Variants in RAI1 observed in about 807,000 individuals in gnomAD.
RAI1 encodes the protein retinoic acid-induced protein 1.
In RAI1, 9 loss-of-function variants were observed where a neutral mutation model predicts 123.8. That is an observed-to-expected ratio of 0.07 (90% CI 0.04 to 0.13). The LOEUF (loss-of-function observed/expected upper bound fraction) is 0.13, where lower values mean the gene tolerates loss of function less well. RAI1 is among the 10% of genes least tolerant of loss of function. The pLI is 1.00. For missense variants in RAI1, 2,256 were observed against 2,545.8 expected (o/e 0.89, Z 2.45); for synonymous variants, 1,231 against 1,127.3 (o/e 1.09, Z -1.84).
chr17:17,688,354 C>T (rs1457337155), intron 1 of RAI1, among the ~76,000 whole-genome samples: 1 of 151,950 alleles, frequency 6.6e-6, no homozygotes, highest in Non-Finnish European at 1.5e-5. Context: ...CGTAGTGTCA[C>T]ATGCCTGTAA....
intron 3 of RAI1, among the ~76,000 whole-genome samples, chr17:17,802,736 A>G (rs2143004925): frequency 6.6e-6 from 1 of 152,104 alleles, no homozygotes; most frequent in Middle Eastern, 3.4e-3. Context: ...AGATTGTGCC[A>G]CTGCTCTCTA....
chr17:17,704,065 TG>T, intron 1 of RAI1, among the ~76,000 whole-genome samples: 1 of 152,290 alleles, frequency 6.6e-6, no homozygotes, highest in East Asian at 1.9e-4. Context: ...GCAGGCTTGA[TG>T]GGCCAGGGCC....
At chr17:17,786,082 C>G (rs539303402) in intron 2 of RAI1, among the ~76,000 whole-genome samples, 1 of 152,190 alleles carries the variant, frequency 6.6e-6, no homozygotes. Context: ...CCCAAGTGGC[C>G]GCAGTCCGCT....
Position 17,793,988 on chromosome 17 carries a change from C to A in RAI1, c.1040C>A (p.Ala347Asp). 1.2e-6 allele frequency: 2 copies of A among 1,614,070 alleles called. No homozygotes were observed. Among genetic ancestry groups the A allele is most frequent in the East Asian group, 4.5e-5 (2 of 44,880 alleles). ...AGCCCCAGCTCCAGCCACTCACCCG[C>A]CCGCTCCGTGGGCCGCTCACCTTCC... ...TFSPSSSHSP[A>D]RSVGRSPSYS... Residue 347 changes from alanine (A) to aspartate (D), a missense_variant, in exon 3 of 6, where the codon GCC (alanine) becomes GAC (aspartate). By Grantham distance (126) the Ala-to-Asp change is moderately radical (BLOSUM62 -2). Transcript: ENST00000353383.
At chr17:17,701,379 G>T (rs749543975) in intron 1 of RAI1, among the ~76,000 whole-genome samples, 4 of 152,098 alleles carry the variant, frequency 2.6e-5, no homozygotes, top group Non-Finnish European at 5.9e-5. Flanking sequence ...AGACCTAATG[G>T]TATTCTCTGT....
chr17:17,800,000 A>G lies in RAI1; in HGVS notation c.5565+1487A>G, dbSNP rs1277134060. Among the ~76,000 whole-genome samples the G allele has an allele frequency of 6.6e-6, 1 of 152,008 alleles. No individual in the cohort carries two copies. The highest frequency in any genetic ancestry group is 2.4e-5 in the African/African-American group (1 of 41,370). Reference sequence around the variant, plus strand: ...ATGGCTGGAGACCTTCTCCACGCCCAGACGCCCTGCCCACCTCACTCCACC... The same window carrying G: ...ATGGCTGGAGACCTTCTCCACGCCCGGACGCCCTGCCCACCTCACTCCACC... On this transcript the variant is annotated intron_variant, in intron 3 of 5. Transcript: ENST00000353383. This position sits in a 1 kb window ranked among gnomAD's most constrained non-coding sequence, Gnocchi z 4.5.
chr17:17,723,508 T>C (rs983380873), intron 1 of RAI1, among the ~76,000 whole-genome samples: 9 of 150,888 alleles, frequency 6.0e-5, no homozygotes, highest in African/African-American at 2.2e-4. Context: ...ATCTTTGACA[T>C]ACACACGCCT....
At chr17:17,737,855 C>T (rs1377686898) in intron 2 of RAI1, among the ~76,000 whole-genome samples, 1 of 152,228 alleles carries the variant, frequency 6.6e-6, no homozygotes, top group Non-Finnish European at 1.5e-5. Flanking sequence ...TTGAGCAGGC[C>T]TGGAGCCCCA....
Position 17,681,770 on chromosome 17 carries a change from C to G in RAI1, c.-172C>G, listed in dbSNP as rs1914422489. The G allele has an allele frequency of 3.0e-6, 1 of 328,118 alleles. No homozygotes were observed. Among genetic ancestry groups the G allele is most frequent in the Admixed American group, 4.9e-5 (1 of 20,368 alleles). 20.3% of individuals were successfully genotyped at this position (328,118 alleles called of 1,614,324 possible). A position where few individuals can be genotyped will look rare whatever the true frequency, so the allele number is the denominator to read the frequency against. On this transcript the variant is annotated 5_prime_UTR_variant, in exon 1 of 6. Coordinates refer to ENST00000353383, the MANE Select transcript of RAI1 (RefSeq NM_030665.4). ...GAAGTCGCAGCGCCAGACCCAAGGC[C>G]CCCGAGTGAGCGCGGGCGCCGAGGT...
At chr17:17,803,600 G>A (rs2032530715) in intron 3 of RAI1, among the ~76,000 whole-genome samples, 156 bp from the exon 4 acceptor site, 1 of 152,092 alleles carries the variant, frequency 6.6e-6, no homozygotes, top group Non-Finnish European at 1.5e-5. Context: ...TGCCCAGGCT[G>A]GTATCAAACT....
At chr17:17,730,162 C>A (rs1275796340) in intron 2 of RAI1, among the ~76,000 whole-genome samples, 1 of 152,240 alleles carries the variant, frequency 6.6e-6, no homozygotes, top group Non-Finnish European at 1.5e-5. Context: ...AAGATGCCAC[C>A]TTTCAGGAGA....
intron 3 of RAI1, chr17:17,802,030 C>T: frequency 2.1e-6 from 1 of 469,918 alleles, no homozygotes; most frequent in Non-Finnish European, 4.4e-6. Flanking sequence ...ACCTCACCCC[C>T]CGCCCCCAGC....
intron 2 of RAI1, among the ~76,000 whole-genome samples, chr17:17,735,114 A>G (rs1397743930): frequency 6.6e-6 from 1 of 151,592 alleles, no homozygotes; most frequent in Non-Finnish European, 1.5e-5. Context: ...GTGCAATGGC[A>G]TGATCTCAGC....
intron 2 of RAI1, among the ~76,000 whole-genome samples, chr17:17,736,596 ATTTC>A (rs1916444228): frequency 1.3e-5 from 2 of 152,084 alleles, no homozygotes; most frequent in Admixed American, 1.3e-4. Context: ...GAGCTGGAAC[ATTTC>A]CAGAAATGGA....
At chr17:17,736,380 CTTG>C (rs1232555873) in intron 2 of RAI1, among the ~76,000 whole-genome samples, 1 of 152,232 alleles carries the variant, frequency 6.6e-6, no homozygotes, top group East Asian at 1.9e-4. Context: ...CAGCACTGCT[CTTG>C]ACTTTGTCCT....
chr17:17,695,252 C>T (rs1451830881), intron 1 of RAI1, among the ~76,000 whole-genome samples: 1 of 152,174 alleles, frequency 6.6e-6, no homozygotes, highest in Admixed American at 6.5e-5. Flanking sequence ...AGAAGGGGGC[C>T]GGGACTGCAC....
Position 17,797,230 on chromosome 17 carries a change from G to T in RAI1, c.4282G>T (p.Ala1428Ser). ...LSSTDCFKTE[A>S]FTSPEALQPG... ...TTCTACTGACTGTTTCAAAACCGAG[G>T]CCTTCACATCCCCGGAGGCCCTGCA... The change falls in exon 3 of 6, where the codon GCC (alanine) becomes TCC (serine). Residue 1428 changes from alanine to serine, a missense_variant. Physicochemically the swap from Ala to Ser is moderately conservative, Grantham distance 99. Transcript: ENST00000353383. 6.2e-7 allele frequency: 1 copy of T among 1,613,620 alleles called. No homozygotes were observed. Among genetic ancestry groups the T allele is most frequent in the Non-Finnish European group, 8.5e-7 (1 of 1,180,022 alleles).
At chr17:17,708,411 TAC>T (rs912201848) in intron 1 of RAI1, among the ~76,000 whole-genome samples, 2 of 131,376 alleles carry the variant, frequency 1.5e-5, no homozygotes, top group African/African-American at 3.0e-5. Context: ...TATATATATA[TAC>T]ACACACACAC....
chr17:17,808,982 T>C lies in RAI1; in HGVS notation c.5660-408T>C, dbSNP rs80106127. 3.8e-3 allele frequency among the ~76,000 whole-genome samples: 583 copies of C among 152,170 alleles called. 3 individuals carry two copies. The highest frequency in any genetic ancestry group is 0.013 in the African/African-American group (557 of 41,508). Reference sequence around the variant, plus strand: ...AGGGAAGAAGACAGAGCTGGTGCCCTCTGGGAGCTTGCCTGCCAGTGGGGA... The same window carrying C: ...AGGGAAGAAGACAGAGCTGGTGCCCCCTGGGAGCTTGCCTGCCAGTGGGGA... On this transcript the variant is annotated intron_variant, in intron 4 of 5. Coordinates refer to ENST00000353383, the MANE Select transcript of RAI1 (RefSeq NM_030665.4).
Sources: gnomAD v4.1 joint callset for allele counts (sites outside exome capture counted in the v4.1 genomes callset) on GRCh38, gnomAD v4.1.1 for gene constraint, Gnocchi (gnomAD v3.1) non-coding constraint, MANE v1.5 for transcripts, NCBI Gene and HGNC (gene_info 2026-07-23, HGNC 2026-07-21) for gene names.